FHAD1: variants seen among roughly 807,000 people sequenced by gnomAD.
FHAD1 encodes forkhead-associated domain-containing protein 1.
In FHAD1, 146 loss-of-function variants were observed where a neutral mutation model predicts 191.3. That is an observed-to-expected ratio of 0.76 (90% CI 0.67 to 0.88). FHAD1 has a LOEUF of 0.88. Ranked by LOEUF, FHAD1 falls within the 40% of genes least tolerant of loss-of-function variation. The pLI is 0.00. For missense variants in FHAD1, 1,635 were observed against 1,785.8 expected (o/e 0.92, Z 1.52); for synonymous variants, 616 against 672.3 (o/e 0.92, Z 1.29).
intron 31 of FHAD1, among the ~76,000 whole-genome samples, chr1:15,385,681 A>G (rs2103040226): frequency 6.6e-6 from 1 of 152,336 alleles, no homozygotes; most frequent in Non-Finnish European, 1.5e-5. Context: ...AGGCTAAGGC[A>G]GGAGGATCAA....
chr1:15,346,653 C>A (rs1355180593), intron 18 of FHAD1, among the ~76,000 whole-genome samples: 1 of 152,254 alleles, frequency 6.6e-6, no homozygotes, highest in African/African-American at 2.4e-5. Context: ...AGCTCTGTCA[C>A]ATTTGTGGAT....
chr1:15,372,265 T>C (rs981868425), intron 26 of FHAD1, among the ~76,000 whole-genome samples: 1 of 152,028 alleles, frequency 6.6e-6, no homozygotes, highest in African/African-American at 2.4e-5. Flanking sequence ...CAGGAGGGCC[T>C]CAGACGGCAC....
In FHAD1 at chr1:15,350,119, A is replaced by G. The variant is rs144302971; in HGVS notation, c.2454+970A>G. Among the ~76,000 whole-genome samples the G allele has an allele frequency of 1.9e-3, 286 of 152,352 alleles. 1 individual carries two copies. The highest frequency in any genetic ancestry group is 6.4e-3 in the African/African-American group (267 of 41,582). The stretch of plus-strand genomic sequence containing the variant: ...TCGATTCGGTTTCATTCATCCGCCC[A>G]TAAATATTCATTTATCCACCCACCG... On this transcript the variant is annotated intron_variant, in intron 19 of 33. Coordinates refer to ENST00000688493, the MANE Select transcript of FHAD1 (RefSeq NM_001391957.1).
chr1:15,360,426 T>G, intron 21 of FHAD1, 52 bp from the exon 22 acceptor site: 3 of 1,490,044 alleles, frequency 2.0e-6, no homozygotes, highest in Middle Eastern at 2.3e-4. Flanking sequence ...ATATTATTGT[T>G]GCCGTCATAC....
At chr1:15,297,873 A>T (rs1220021533) in intron 5 of FHAD1, among the ~76,000 whole-genome samples, 1 of 151,578 alleles carries the variant, frequency 6.6e-6, no homozygotes. Context: ...AGTTTTTATT[A>T]GTTTTCTTTT....
Position 15,311,484 on chromosome 1 carries a change from G to A in FHAD1, c.1040-1573G>A, listed in dbSNP as rs1558074597. Among the ~76,000 whole-genome samples the A allele has an allele frequency of 6.6e-6, 1 of 152,158 alleles. No individual in the cohort carries two copies. Among genetic ancestry groups the A allele is most frequent in the South Asian group, 2.1e-4 (1 of 4,812 alleles). On this transcript the variant is annotated intron_variant, in intron 7 of 33. Transcript: ENST00000688493. This position sits in a 1 kb window ranked among gnomAD's most constrained non-coding sequence, Gnocchi z 4.1. The stretch of plus-strand genomic sequence containing the variant: ...AAGCCAAATTCATTCTAGAGAAAAG[G>A]TCACTCTGGTCCCGCCTCACAAAGC...
intron 2 of FHAD1, among the ~76,000 whole-genome samples, chr1:15,270,850 G>T (rs995832057): frequency 6.6e-6 from 1 of 151,968 alleles, no homozygotes; most frequent in African/African-American, 2.4e-5. Flanking sequence ...GACCAGCCTA[G>T]CCAGTATGGT....
intron 4 of FHAD1, among the ~76,000 whole-genome samples, chr1:15,293,583 TGGC>T (rs1304275963): frequency 6.6e-6 from 1 of 152,136 alleles, no homozygotes; most frequent in Non-Finnish European, 1.5e-5. Flanking sequence ...CTGGGTGTGG[TGGC>T]ACGCACCTGT....
At chr1:15,288,366 G>A (rs1573999342) in intron 3 of FHAD1, among the ~76,000 whole-genome samples, 2 of 152,230 alleles carry the variant, frequency 1.3e-5, no homozygotes, top group Admixed American at 6.5e-5. Context: ...GCTCATCCAC[G>A]GTTAGATGGA....
intron 2 of FHAD1, among the ~76,000 whole-genome samples, chr1:15,258,450 A>G (rs995531422): frequency 4.6e-5 from 7 of 152,160 alleles, no homozygotes; most frequent in African/African-American, 1.7e-4. Context: ...TGAAGGCTGA[A>G]TAGTGGCTGC....
intron 3 of FHAD1, among the ~76,000 whole-genome samples, chr1:15,277,954 T>C (rs1480928095): frequency 6.6e-6 from 1 of 152,208 alleles, no homozygotes; most frequent in Non-Finnish European, 1.5e-5. Context: ...AAGTATCTGT[T>C]GTCATCTCCA....
Position 15,345,470 on chromosome 1 carries a change from G to C in FHAD1, c.2293G>C (p.Glu765Gln). 2 of 1,552,330 alleles carry C rather than the reference G, an allele frequency of 1.3e-6. No homozygotes were observed. Among genetic ancestry groups the C allele is most frequent in the South Asian group, 2.4e-5 (2 of 84,062 alleles). ...EKNRVKEALE[E>Q]EQTRVQELEE... ...GAACAGAGTGAAGGAAGCATTAGAG[G>C]AAGAGCAGACAAGAGTCCAAGAGCT... is the stretch of plus-strand genomic sequence containing the variant. The change falls in exon 18 of 34, where the codon GAA (glutamate) becomes CAA (glutamine). Residue 765 changes from glutamate to glutamine, a missense_variant. Coordinates refer to ENST00000688493, the MANE Select transcript of FHAD1 (RefSeq NM_001391957.1).
chr1:15,371,761 C>T (rs1002130115), intron 26 of FHAD1, among the ~76,000 whole-genome samples: 1 of 152,206 alleles, frequency 6.6e-6, no homozygotes, highest in Non-Finnish European at 1.5e-5. Context: ...TGGAAGGGAA[C>T]CAGCCACGCA....
At chr1:15,242,580 C>T (rs998903253), upstream of FHAD1, among the ~76,000 whole-genome samples, 2 of 152,190 alleles carry the variant, frequency 1.3e-5, no homozygotes, top group Admixed American at 1.3e-4. Context: ...ATAGAGACTG[C>T]TGGGTTCCCA....
chr1:15,310,187 C>T (rs1287914580), intron 7 of FHAD1, among the ~76,000 whole-genome samples: 1 of 152,178 alleles, frequency 6.6e-6, no homozygotes, highest in Non-Finnish European at 1.5e-5. Flanking sequence ...AAAGTCCCCC[C>T]TGCACAGCAG....
intron 5 of FHAD1, among the ~76,000 whole-genome samples, chr1:15,299,881 C>G (rs1417579527): frequency 6.6e-6 from 1 of 152,210 alleles, no homozygotes; most frequent in Non-Finnish European, 1.5e-5. Flanking sequence ...GAAATGTTGC[C>G]ACAAGCACTC....
intron 22 of FHAD1, among the ~76,000 whole-genome samples, chr1:15,360,942 C>T (rs1304078168): frequency 1.3e-5 from 2 of 152,124 alleles, no homozygotes; most frequent in African/African-American, 4.8e-5. Flanking sequence ...AGTGAGCCGG[C>T]GAGACACACA....
intron 2 of FHAD1, among the ~76,000 whole-genome samples, chr1:15,261,552 T>C (rs1334976979): frequency 3.3e-5 from 5 of 152,106 alleles, no homozygotes; most frequent in Middle Eastern, 3.2e-3. Flanking sequence ...GCACTGATTC[T>C]GGGGAGCTCT....
chr1:15,295,790 G>C (rs187185564), intron 4 of FHAD1, among the ~76,000 whole-genome samples: 1 of 152,266 alleles, frequency 6.6e-6, no homozygotes, highest in African/African-American at 2.4e-5. Context: ...ATAAGGCTTC[G>C]AGGGCCATAC....
Sources: allele counts gnomAD v4.1 joint callset (sites outside exome capture counted in the v4.1 genomes callset), GRCh38; gene constraint gnomAD v4.1.1; non-coding constraint Gnocchi (gnomAD v3.1); transcripts MANE v1.5; gene names NCBI Gene and HGNC (gene_info 2026-07-23, HGNC 2026-07-21).